Variants in STIL observed in about 807,000 individuals in gnomAD.
STIL encodes SCL-interrupting locus protein.
A neutral mutation model predicts 110.1 loss-of-function variants in STIL; 55 were observed. The observed-to-expected ratio is 0.50, with a 90% CI of 0.40 to 0.63. STIL has a LOEUF of 0.63. Ranked by LOEUF, STIL falls within the 20% of genes least tolerant of loss-of-function variation. STIL has a pLI of 0.00. For missense variants in STIL, 1,358 were observed against 1,530.0 expected, an observed-to-expected ratio of 0.89 and a Z score of 1.87; for synonymous variants, 481 against 530.0, an observed-to-expected ratio of 0.91 and a Z score of 1.27.
chr1:47,299,450 T>C, intron 6 of STIL, among the ~76,000 whole-genome samples: 1 of 150,782 alleles, frequency 6.6e-6, no homozygotes. Flanking sequence ...TAGAGTGCTG[T>C]GGTGCGATCT....
chr1:47,278,656 T>C (rs1645057930), intron 12 of STIL, among the ~76,000 whole-genome samples: 1 of 152,150 alleles, frequency 6.6e-6, no homozygotes, highest in South Asian at 2.1e-4. Flanking sequence ...GTGTTTATAA[T>C]GTTAAAATCC....
At chr1:47,284,514 T>C (rs145950368) in intron 10 of STIL, among the ~76,000 whole-genome samples, 24 of 152,174 alleles carry the variant, frequency 1.6e-4, no homozygotes, top group African/African-American at 5.8e-4. Context: ...CTTAAAGAAA[T>C]TGCTATTGTC....
At chr1:47,272,606 T>A (rs1644875145) in intron 12 of STIL, among the ~76,000 whole-genome samples, 1 of 152,050 alleles carries the variant, frequency 6.6e-6, no homozygotes, top group Non-Finnish European at 1.5e-5. Flanking sequence ...TGCACCACCA[T>A]GCCTGGTTAA....
At chr1:47,294,116 G>A (rs1477396611) in intron 7 of STIL, among the ~76,000 whole-genome samples, 2 of 152,304 alleles carry the variant, frequency 1.3e-5, no homozygotes, top group East Asian at 1.9e-4. Context: ...CACTTTGCAT[G>A]TGCCATTCCC....
chr1:47,265,105 G>A (rs761910025), intron 14 of STIL, among the ~76,000 whole-genome samples: 3 of 150,908 alleles, frequency 2.0e-5, no homozygotes, highest in African/African-American at 7.3e-5. Flanking sequence ...GTGTGGTGGC[G>A]TACACTTGTA....
chr1:47,296,493 T>G (rs1201627285), intron 6 of STIL, among the ~76,000 whole-genome samples: 1 of 152,192 alleles, frequency 6.6e-6, no homozygotes, highest in African/African-American at 2.4e-5. Context: ...TTGTTATGTC[T>G]TTCTTCAAAA....
At chr1:47,296,679 A>G (rs1354252722) in intron 6 of STIL, among the ~76,000 whole-genome samples, 1 of 151,968 alleles carries the variant, frequency 6.6e-6, no homozygotes, top group Non-Finnish European at 1.5e-5. Context: ...GCATTGTGGC[A>G]CACGCCTGTA....
At chr1:47,307,699 AAG>A (rs1364527074) in intron 2 of STIL, among the ~76,000 whole-genome samples, 2 of 152,258 alleles carry the variant, frequency 1.3e-5, no homozygotes, top group African/African-American at 4.8e-5. Context: ...TTCAGGGAAT[AAG>A]AGAGATAACC....
In STIL at chr1:47,280,242, T is replaced by A; in HGVS notation, c.2216A>T (p.Gln739Leu). ...QDRQLRLLQA[Q>L]IQRLLEAQSL... ...GAACTAGGAAAGCACCAAGCAAACC[T>A]GTGCCTGAAGTAGTCTTAGCTGTCT... Residue 739 changes from glutamine to leucine, a missense_variant and splice_region_variant, in exon 12 of 17, where the codon CAG becomes CTG. Coordinates refer to ENST00000371877, the MANE Select transcript of STIL (RefSeq NM_001048166.1). 6.2e-7 allele frequency: 1 copy of A among 1,614,214 alleles called. No individual in the cohort carries two copies. Among genetic ancestry groups the A allele is most frequent in the Non-Finnish European group, 8.5e-7 (1 of 1,180,040 alleles).
intron 3 of STIL, 101 bp from the exon 4 acceptor site, chr1:47,302,447 A>G: frequency 1.1e-6 from 1 of 925,580 alleles, no homozygotes; most frequent in Non-Finnish European, 1.7e-6. Context: ...ATTTTTAAAA[A>G]TGTACAGAAA....
chr1:47,261,893 CAG>C lies in STIL; in HGVS notation c.2829+1008_2829+1009del, dbSNP rs571264656. On this transcript the variant is annotated intron_variant, in intron 15 of 16. Transcript: ENST00000371877. ...TGTCACTGCACTCTAGCCTGGGTGA[CAG>C]AGACTCTGTCTCAAAAAAAAAAAAA... 6.4e-3 allele frequency among the ~76,000 whole-genome samples: 934 copies of C among 146,566 alleles called. 10 individuals carry two copies. The highest frequency in any genetic ancestry group is 0.022 in the African/African-American group (857 of 39,476).
At chr1:47,269,897 C>T (rs771362254) in intron 13 of STIL, 31 bp from the exon 14 acceptor site, 5 of 1,572,668 alleles carry the variant, frequency 3.2e-6, no homozygotes, top group Middle Eastern at 3.3e-4. Context: ...GATACTGAAA[C>T]AAACATTCAA....
rs1557761339 is a variant in STIL at position 47,295,783 on chromosome 1, G to A, written c.767C>T (p.Ser256Phe). 1 of 1,611,486 alleles carries A rather than the reference G, an allele frequency of 6.2e-7. No homozygotes were observed. Among genetic ancestry groups the A allele is most frequent in the Admixed American group, 1.7e-5 (1 of 60,010 alleles). Residue 256 changes from serine to phenylalanine, a missense_variant, in exon 7 of 17, where the codon TCT becomes TTT. Physicochemically the swap from Ser to Phe is radical, Grantham distance 155 (BLOSUM62 -2). Coordinates refer to ENST00000371877, the MANE Select transcript of STIL (RefSeq NM_001048166.1). ...TACTTACATTCCCACCAATGGTAGA[G>A]AATAAACCTTGGGATCAGATTCCAA... Reference protein sequence around the residue: ...LLLESDPKVYSLPLVGIWLSG... With the variant: ...LLLESDPKVYFLPLVGIWLSG...
At chr1:47,284,293 A>G (rs1645231629) in intron 10 of STIL, among the ~76,000 whole-genome samples, 2 of 152,334 alleles carry the variant, frequency 1.3e-5, no homozygotes, top group Admixed American at 1.3e-4. Flanking sequence ...AAACATTTTG[A>G]TAACATTTAA....
chr1:47,303,077 G>A (rs1420796697), intron 3 of STIL, among the ~76,000 whole-genome samples: 2 of 151,724 alleles, frequency 1.3e-5, no homozygotes, highest in Non-Finnish European at 2.9e-5. Flanking sequence ...AAGATACTAC[G>A]AAAAAAGACC....
At chr1:47,259,584 C>T (rs185862850) in intron 16 of STIL, among the ~76,000 whole-genome samples, 1,755 of 152,140 alleles carry the variant, frequency 0.012, 13 homozygotes, top group Non-Finnish European at 0.019. Context: ...CCACCGCGCC[C>T]GGCCTAAGAG....
At chr1:47,261,618 T>C (rs1211051880) in intron 15 of STIL, among the ~76,000 whole-genome samples, 1 of 151,930 alleles carries the variant, frequency 6.6e-6, no homozygotes, top group African/African-American at 2.4e-5. Context: ...CGTGCACCTG[T>C]GGTCCCAGCT....
chr1:47,278,861 G>A (rs936896180), intron 12 of STIL, among the ~76,000 whole-genome samples: 4 of 151,598 alleles, frequency 2.6e-5, no homozygotes, highest in Non-Finnish European at 4.4e-5. Context: ...AATTTACCTA[G>A]GTTTAAAAAA....
intron 2 of STIL, among the ~76,000 whole-genome samples, chr1:47,306,119 T>A (rs1204192162): frequency 6.6e-6 from 1 of 152,148 alleles, no homozygotes; most frequent in Non-Finnish European, 1.5e-5. Context: ...TGTCCTTTTT[T>A]ATCTATGCAT....
Sources: gnomAD v4.1 joint callset for allele counts (sites outside exome capture counted in the v4.1 genomes callset) on GRCh38, gnomAD v4.1.1 for gene constraint, MANE v1.5 for transcripts, NCBI Gene and HGNC (gene_info 2026-07-23, HGNC 2026-07-21) for gene names.